GRID2: variants seen among roughly 807,000 people sequenced by gnomAD.
GRID2 encodes the protein glutamate receptor ionotropic, delta-2.
Under a neutral mutation model 114.8 loss-of-function variants are expected in GRID2, and 33 were observed. That is an observed-to-expected ratio of 0.29 (90% CI 0.22 to 0.38). GRID2 has a LOEUF of 0.38. Ranked by LOEUF, GRID2 falls within the 10% of genes least tolerant of loss-of-function variation. The probability of loss-of-function intolerance (pLI) is 1.00; values close to 1 mark genes in which losing one functional copy is unlikely to be tolerated. For missense variants in GRID2, 1,184 were observed against 1,257.7 expected, an observed-to-expected ratio of 0.94 and a Z score of 0.89; for synonymous variants, 505 against 449.9, an observed-to-expected ratio of 1.12 and a Z score of -1.55.
chr4:93,489,888 T>C (rs1726811162), intron 11 of GRID2, among the ~76,000 whole-genome samples: 1 of 152,072 alleles, frequency 6.6e-6, no homozygotes, highest in East Asian at 2.0e-4. Flanking sequence ...GTGAGAATCA[T>C]GTAGGCTTTT....
chr4:93,044,815 G>C (rs1209335371), intron 2 of GRID2, among the ~76,000 whole-genome samples: 1 of 152,124 alleles, frequency 6.6e-6, no homozygotes, highest in South Asian at 2.1e-4. Context: ...TGTGATCATG[G>C]CAAGGTATCA....
intron 2 of GRID2, among the ~76,000 whole-genome samples, chr4:92,706,297 GT>G (rs905352477): frequency 6.6e-6 from 1 of 152,112 alleles, no homozygotes; most frequent in African/African-American, 2.4e-5. Flanking sequence ...AAAAAAGATT[GT>G]CAACGGTTTA....
chr4:92,959,057 CTT>C (rs74267681), intron 2 of GRID2, among the ~76,000 whole-genome samples: 76 of 70,846 alleles, frequency 1.1e-3, no homozygotes, highest in African/African-American at 3.6e-3. Flanking sequence ...GTCCACTCTT[CTT>C]TTTTTTTTTT....
intron 2 of GRID2, among the ~76,000 whole-genome samples, chr4:92,916,136 T>A (rs889458310): frequency 6.6e-6 from 1 of 152,232 alleles, no homozygotes; most frequent in African/African-American, 2.4e-5. Context: ...GTCGTGAAAT[T>A]TTTCCTGTGC....
At chr4:93,154,272 A>C (rs1736977528) in intron 4 of GRID2, among the ~76,000 whole-genome samples, 1 of 152,084 alleles carries the variant, frequency 6.6e-6, no homozygotes, top group East Asian at 1.9e-4. Context: ...AAATATCTGC[A>C]GCTTCAAACC....
At chr4:92,497,439 T>C (rs1723447671) in intron 1 of GRID2, among the ~76,000 whole-genome samples, 1 of 151,862 alleles carries the variant, frequency 6.6e-6, no homozygotes, top group Non-Finnish European at 1.5e-5. Flanking sequence ...CAGCCTTAAC[T>C]ACCTGAAAGC....
intron 2 of GRID2, among the ~76,000 whole-genome samples, chr4:92,887,007 A>G (rs939783738): frequency 6.6e-6 from 1 of 152,146 alleles, no homozygotes; most frequent in African/African-American, 2.4e-5. Flanking sequence ...TTTTACAATT[A>G]TCTCCTGTCT....
intron 1 of GRID2, among the ~76,000 whole-genome samples, chr4:92,585,545 C>T (rs146793198): frequency 5.9e-5 from 9 of 152,018 alleles, no homozygotes; most frequent in African/African-American, 2.2e-4. Context: ...TGTGTTGATG[C>T]TTGGTTTCAA....
chr4:93,506,642 T>C (rs1331886783), intron 12 of GRID2, among the ~76,000 whole-genome samples: 3 of 152,156 alleles, frequency 2.0e-5, no homozygotes. Context: ...TTAGACCTTA[T>C]TCAAGCATTC....
At chr4:92,643,375 A>C (rs1189514680) in intron 2 of GRID2, among the ~76,000 whole-genome samples, 1 of 151,824 alleles carries the variant, frequency 6.6e-6, no homozygotes, top group Non-Finnish European at 1.5e-5. Flanking sequence ...AAGGGATCTA[A>C]ATAGAAAAAG....
intron 14 of GRID2, among the ~76,000 whole-genome samples, chr4:93,717,313 T>G (rs72659510): frequency 0.018 from 2,736 of 152,236 alleles, 34 homozygotes; most frequent in Non-Finnish European, 0.024. Flanking sequence ...AAGTTGGTTT[T>G]TTATTGTCAC....
At chr4:92,710,767 G>A (rs980733531) in intron 2 of GRID2, among the ~76,000 whole-genome samples, 1 of 152,100 alleles carries the variant, frequency 6.6e-6, no homozygotes, top group Admixed American at 6.5e-5. Context: ...CATACAGACT[G>A]TAAGTAAATA....
chr4:92,943,321 C>T (rs540798280), intron 2 of GRID2, among the ~76,000 whole-genome samples: 34 of 152,032 alleles, frequency 2.2e-4, no homozygotes, highest in African/African-American at 7.5e-4. Context: ...TCATTCATTT[C>T]ATTCATTTCA....
intron 8 of GRID2, among the ~76,000 whole-genome samples, chr4:93,331,283 C>T (rs1482284188): frequency 1.3e-5 from 2 of 149,114 alleles, no homozygotes; most frequent in Non-Finnish European, 3.0e-5. Flanking sequence ...ATTCTCTCTG[C>T]TTGGGAGTTA....
intron 11 of GRID2, among the ~76,000 whole-genome samples, chr4:93,473,920 T>G (rs573219946): frequency 2.6e-4 from 39 of 152,150 alleles, no homozygotes; most frequent in Non-Finnish European, 5.3e-4. Context: ...TTCAATAAAT[T>G]TATGCAGAGA....
At chr4:92,542,728 A>G (rs1198411419) in intron 1 of GRID2, among the ~76,000 whole-genome samples, 1 of 152,086 alleles carries the variant, frequency 6.6e-6, no homozygotes, top group Non-Finnish European at 1.5e-5. Context: ...TCACCACTAA[A>G]GAACTTTTCC....
chr4:92,482,332 G>C (rs1295124006), intron 1 of GRID2, among the ~76,000 whole-genome samples: 3 of 151,920 alleles, frequency 2.0e-5, no homozygotes, highest in Admixed American at 6.6e-5. Context: ...TTAGAGGGCA[G>C]AGGGAGGAAG....
intron 2 of GRID2, among the ~76,000 whole-genome samples, chr4:92,870,614 G>A (rs1206630992): frequency 6.7e-6 from 1 of 149,766 alleles, no homozygotes; most frequent in Admixed American, 6.6e-5. Flanking sequence ...TGAACAACAG[G>A]AATTATTTTA....
chr4:92,389,250 T>A (rs1730130136), intron 1 of GRID2, among the ~76,000 whole-genome samples: 1 of 152,076 alleles, frequency 6.6e-6, no homozygotes, highest in African/African-American at 2.4e-5. Flanking sequence ...AAGTGATAAT[T>A]TAGTTGATCC....
Sources: gnomAD v4.1 joint callset for allele counts (sites outside exome capture counted in the v4.1 genomes callset) on GRCh38, gnomAD v4.1.1 for gene constraint, MANE v1.5 for transcripts, NCBI Gene and HGNC (gene_info 2026-07-23, HGNC 2026-07-21) for gene names.